The following RPA1 variants were observed in gnomAD, a reference collection of about 807,000 sequenced individuals.
RPA1 encodes the protein replication protein A 70 kDa DNA-binding subunit.
Under a neutral mutation model 83.0 loss-of-function variants are expected in RPA1, and 49 were observed. That is an observed-to-expected ratio of 0.59 (90% CI 0.47 to 0.75). The LOEUF (loss-of-function observed/expected upper bound fraction) is 0.75. Among genes scored for constraint, RPA1 ranks in the 30% least tolerant of loss-of-function variants. The pLI is 0.00. For missense variants in RPA1, 693 were observed against 776.1 expected, an observed-to-expected ratio of 0.89 and a Z score of 1.27; for synonymous variants, 279 against 281.8, an observed-to-expected ratio of 0.99 and a Z score of 0.10.
intron 5 of RPA1, among the ~76,000 whole-genome samples, chr17:1,864,795 G>C (rs1029972554): frequency 6.6e-6 from 1 of 152,264 alleles, no homozygotes; most frequent in East Asian, 1.9e-4. Context: ...AGCTACTCGG[G>C]AGGCTGAGGC....
rs1283045477 is a variant in RPA1, at chr17:1,889,325, G to T, written c.1551+474G>T. On this transcript the variant is annotated intron_variant, in intron 14 of 16. Transcript: ENST00000254719. Reference sequence around the variant, plus strand: ...CTTTTTAAAAAAGTTGTAAAGTTGGGTTTAAAAAAATTTTTTTTTTTTTTT... The same window carrying T: ...CTTTTTAAAAAAGTTGTAAAGTTGGTTTTAAAAAAATTTTTTTTTTTTTTT... Among the ~76,000 whole-genome samples the T allele has an allele frequency of 5.4e-5, 6 of 111,908 alleles. No individual in the cohort carries two copies. In the East Asian group the frequency reaches 1.5e-3, roughly 28 times the overall value. 73.4% of individuals were successfully genotyped at this position (111,908 alleles called of 152,430 possible).
At chr17:1,836,482 C>T (rs1010017194) in intron 1 of RPA1, among the ~76,000 whole-genome samples, 8 of 152,084 alleles carry the variant, frequency 5.3e-5, no homozygotes, top group African/African-American at 1.9e-4. Flanking sequence ...CCACATTGCC[C>T]CTGTGGAGAT....
intron 5 of RPA1, among the ~76,000 whole-genome samples, chr17:1,856,524 G>A (rs993876058): frequency 5.9e-5 from 9 of 152,010 alleles, no homozygotes; most frequent in African/African-American, 1.2e-4. Flanking sequence ...ACTTGAACCC[G>A]GGAGGCGAAG....
intron 1 of RPA1, among the ~76,000 whole-genome samples, chr17:1,837,111 C>T (rs1308185509): frequency 6.6e-6 from 1 of 152,116 alleles, no homozygotes; most frequent in Non-Finnish European, 1.5e-5. Flanking sequence ...GCTGGGATTA[C>T]AGGTGTGAGC....
intron 1 of RPA1, among the ~76,000 whole-genome samples, chr17:1,840,793 G>A (rs1471370436): frequency 2.0e-5 from 3 of 152,124 alleles, no homozygotes; most frequent in Admixed American, 6.5e-5. Context: ...AGCCTGGCAC[G>A]GTGGCTCACG....
At chr17:1,882,737 G>A (rs921697490) in intron 12 of RPA1, among the ~76,000 whole-genome samples, 1 of 152,136 alleles carries the variant, frequency 6.6e-6, no homozygotes, top group Non-Finnish European at 1.5e-5. Context: ...TTGCTACCAC[G>A]GTATATTGGC....
intron 16 of RPA1, 58 bp downstream of exon 16, chr17:1,895,153 G>T: frequency 7.2e-7 from 1 of 1,383,494 alleles, no homozygotes; most frequent in South Asian, 1.2e-5. Flanking sequence ...TGTCACCTAC[G>T]GCAGTGTCGT....
intron 5 of RPA1, chr17:1,858,294 A>G (rs1429007637): frequency 6.2e-7 from 1 of 1,610,784 alleles, no homozygotes; most frequent in Non-Finnish European, 8.5e-7. Context: ...CCGACATGCC[A>G]AAAAGAGAGA....
At chr17:1,877,862 G>A (rs139022121) in intron 8 of RPA1, among the ~76,000 whole-genome samples, 21 of 152,294 alleles carry the variant, frequency 1.4e-4, no homozygotes, top group East Asian at 5.8e-4. Context: ...AAACCATGAC[G>A]ATGAGACAAA....
chr17:1,888,355 AT>A (rs1038483710), intron 13 of RPA1, among the ~76,000 whole-genome samples: 1 of 152,252 alleles, frequency 6.6e-6, no homozygotes, highest in African/African-American at 2.4e-5. Context: ...TTTGTCTTTC[AT>A]ACAGTGTTCA....
intron 5 of RPA1, among the ~76,000 whole-genome samples, chr17:1,855,363 G>GTGTGTGTGTGTT (rs752248502): frequency 1.3e-3 from 161 of 120,160 alleles, no homozygotes; most frequent in Middle Eastern, 9.2e-3. Context: ...GTGTGTGTGT[G>GTGTGTGTGTGTT]TGTTTAGTAG....
At chr17:1,849,620 T>G (rs889613051) in intron 4 of RPA1, among the ~76,000 whole-genome samples, 4 of 142,794 alleles carry the variant, frequency 2.8e-5, no homozygotes, top group African/African-American at 5.6e-5. Flanking sequence ...GTCATTTTGT[T>G]TTTTTTTTTT....
At position 1,837,750 on chromosome 17, in the gene RPA1, T is replaced by C. The variant is rs527393424; in HGVS notation, c.34-5053T>C. On this transcript the variant is annotated intron_variant, in intron 1 of 16. Coordinates refer to ENST00000254719, the MANE Select transcript of RPA1 (RefSeq NM_002945.5). ...CGAAAGAAGTGTCTGTTCACATCTT[T>C]TGTTCACCTAAAAATTGGGTTTTGT... Among the ~76,000 whole-genome samples, 460 of 152,374 alleles carry C rather than the reference T, an allele frequency of 3.0e-3. 4 individuals carry two copies. In the Middle Eastern group the frequency reaches 0.044, roughly 15 times the overall value.
chr17:1,880,332 G>A (rs886679531), intron 11 of RPA1, among the ~76,000 whole-genome samples: 13 of 152,076 alleles, frequency 8.5e-5, no homozygotes, highest in Non-Finnish European at 4.4e-5. Flanking sequence ...AGCTTTACGC[G>A]GGGAAATGCT....
At chr17:1,882,538 C>T (rs961221149) in intron 12 of RPA1, among the ~76,000 whole-genome samples, 4 of 151,826 alleles carry the variant, frequency 2.6e-5, no homozygotes, top group African/African-American at 9.7e-5. Context: ...CTACTCGGTG[C>T]GTGCCTGTAG....
At chr17:1,877,861 C>A (rs533291197) in intron 8 of RPA1, among the ~76,000 whole-genome samples, 4 of 152,292 alleles carry the variant, frequency 2.6e-5, no homozygotes, top group Admixed American at 2.0e-4. Flanking sequence ...AAAACCATGA[C>A]GATGAGACAA....
At chr17:1,834,207 A>G (rs1258282973) in intron 1 of RPA1, among the ~76,000 whole-genome samples, 2 of 152,092 alleles carry the variant, frequency 1.3e-5, no homozygotes, top group Non-Finnish European at 2.9e-5. Flanking sequence ...TCATGGAGAT[A>G]TTTAAATAAT....
intron 4 of RPA1, among the ~76,000 whole-genome samples, chr17:1,850,183 AAG>A (rs1555587700): frequency 6.6e-6 from 1 of 150,648 alleles, no homozygotes; most frequent in African/African-American, 2.4e-5. Context: ...AAAAAAAAAA[AAG>A]ATTACCTAAT....
At chr17:1,892,121 C>T (rs1173875135) in intron 15 of RPA1, among the ~76,000 whole-genome samples, 181 bp downstream of exon 15, 1 of 152,014 alleles carries the variant, frequency 6.6e-6, no homozygotes, top group African/African-American at 2.4e-5. Flanking sequence ...ATTCTCCTGC[C>T]CCAGCCTCCT....
Sources: gnomAD v4.1 joint callset for allele counts (sites outside exome capture counted in the v4.1 genomes callset) on GRCh38, gnomAD v4.1.1 for gene constraint, MANE v1.5 for transcripts, NCBI Gene and HGNC (gene_info 2026-07-23, HGNC 2026-07-21) for gene names.